The following GAB1 variants were observed in gnomAD, a reference collection of about 807,000 sequenced individuals.
The protein encoded by GAB1 is GRB2 associated binding protein 1, also known as GRB2-associated-binding protein 1.
In GAB1, 19 loss-of-function variants were observed where a neutral mutation model predicts 66.5. The observed-to-expected ratio is 0.29, with a 90% CI of 0.20 to 0.42. GAB1 has a LOEUF of 0.42. Ranked by LOEUF, GAB1 falls within the 10% of genes least tolerant of loss-of-function variation. GAB1 has a pLI of 1.00. For missense variants in GAB1, 732 were observed against 858.5 expected, an observed-to-expected ratio of 0.85 and a Z score of 1.84; for synonymous variants, 294 against 301.4, an observed-to-expected ratio of 0.98 and a Z score of 0.25.
At chr4:143,428,154 T>A (rs1399714952) in intron 2 of GAB1, among the ~76,000 whole-genome samples, 3 of 152,224 alleles carry the variant, frequency 2.0e-5, no homozygotes, top group Admixed American at 6.5e-5. Context: ...CCTGGCTTAA[T>A]CGGTAGGGAT....
At chr4:143,349,817 T>G in intron 1 of GAB1, 1 of 1,586,178 alleles carries the variant, frequency 6.3e-7, no homozygotes, top group Admixed American at 1.7e-5. Flanking sequence ...CGGGTCTGCT[T>G]CTGCACTGGC....
intron 2 of GAB1, chr4:143,425,805 C>G: frequency 1.2e-6 from 1 of 821,424 alleles, no homozygotes; most frequent in South Asian, 1.3e-5. Flanking sequence ...CATGCAGGTG[C>G]CTTCTGTGCC....
intron 1 of GAB1, among the ~76,000 whole-genome samples, chr4:143,388,189 G>T (rs1047722089): frequency 6.6e-6 from 1 of 151,940 alleles, no homozygotes; most frequent in Non-Finnish European, 1.5e-5. Context: ...TGCTTTCTGT[G>T]TGGGATTATA....
intron 8 of GAB1, chr4:143,465,876 T>C (rs1560790549): frequency 2.8e-6 from 1 of 360,990 alleles, no homozygotes. Context: ...GTCTCAATCT[T>C]AGTGTGAACC....
At chr4:143,399,143 G>A (rs1578655018) in intron 1 of GAB1, among the ~76,000 whole-genome samples, 1 of 152,150 alleles carries the variant, frequency 6.6e-6, no homozygotes, top group Non-Finnish European at 1.5e-5. Context: ...TTTTGTTTTA[G>A]TTATTCACGT....
intron 2 of GAB1, among the ~76,000 whole-genome samples, chr4:143,429,840 C>T (rs1469393668): frequency 6.6e-6 from 1 of 152,102 alleles, no homozygotes; most frequent in Admixed American, 6.5e-5. Flanking sequence ...ATACTCACAA[C>T]TAGTTTCCAA....
At chr4:143,437,678 T>G (rs1734005791) in intron 3 of GAB1, among the ~76,000 whole-genome samples, 1 of 152,194 alleles carries the variant, frequency 6.6e-6, no homozygotes, top group South Asian at 2.1e-4. Flanking sequence ...TCATTTACCT[T>G]TCCCAGAGTT....
chr4:143,376,452 G>A (rs982103754), intron 1 of GAB1, among the ~76,000 whole-genome samples: 5 of 152,162 alleles, frequency 3.3e-5, no homozygotes, highest in Admixed American at 2.6e-4. Flanking sequence ...TGCTAGTATC[G>A]CCCTGTGGAG....
At chr4:143,465,304 G>A (rs917919969) in intron 8 of GAB1, among the ~76,000 whole-genome samples, 10 of 152,022 alleles carry the variant, frequency 6.6e-5, no homozygotes, top group Non-Finnish European at 1.2e-4. Flanking sequence ...GCTGTTTATC[G>A]CTGTCATCTA....
At chr4:143,388,672 C>T (rs571446004) in intron 1 of GAB1, among the ~76,000 whole-genome samples, 1 of 152,254 alleles carries the variant, frequency 6.6e-6, no homozygotes, top group African/African-American at 2.4e-5. Flanking sequence ...ACCTCCACCT[C>T]CCAAAGTTCT....
At chr4:143,451,204 T>C (rs531508334) in intron 6 of GAB1, among the ~76,000 whole-genome samples, 10 of 151,916 alleles carry the variant, frequency 6.6e-5, no homozygotes, top group Non-Finnish European at 1.2e-4. Context: ...AGAGTGTGAG[T>C]GGCAATTAAA....
intron 4 of GAB1, 42 bp from the exon 5 acceptor site, chr4:143,439,760 C>T: frequency 7.0e-7 from 1 of 1,419,026 alleles, no homozygotes; most frequent in South Asian, 1.2e-5. Context: ...TGAGAGCTGG[C>T]AAAGATGGGA....
In GAB1 at chr4:143,440,397, G is replaced by T; in HGVS notation, c.1585+15G>T. ...AGACAGAAAAGGTAAGGAGAGCATGGCAAAGTAAAAGGCTTGGGGAGTGCC... is the reference window on the plus strand; with the variant it reads ...AGACAGAAAAGGTAAGGAGAGCATGTCAAAGTAAAAGGCTTGGGGAGTGCC... On this transcript the variant is annotated intron_variant, in intron 6 of 9. Transcript: ENST00000262994. 6.3e-7 allele frequency: 1 copy of T among 1,584,234 alleles called. No individual in the cohort carries two copies. The highest frequency in any genetic ancestry group is 2.2e-5 in the East Asian group (1 of 44,540).
chr4:143,440,004 G>A, intron 5 of GAB1, 75 bp from the exon 6 acceptor site: 1 of 1,426,568 alleles, frequency 7.0e-7, no homozygotes, highest in Middle Eastern at 1.8e-4. Context: ...CCATATGAAT[G>A]AGTGTGACTT....
At chr4:143,429,188 C>T (rs547441705) in intron 2 of GAB1, among the ~76,000 whole-genome samples, 14 of 152,234 alleles carry the variant, frequency 9.2e-5, no homozygotes, top group Admixed American at 5.9e-4. Context: ...CTACAACCTC[C>T]GCCTCCTGGA....
At chr4:143,400,512 G>A (rs1268748884) in intron 1 of GAB1, among the ~76,000 whole-genome samples, 1 of 152,170 alleles carries the variant, frequency 6.6e-6, no homozygotes, top group Non-Finnish European at 1.5e-5. Flanking sequence ...GAGAGAATAA[G>A]CTCCCCTTCT....
intron 8 of GAB1, among the ~76,000 whole-genome samples, chr4:143,460,737 A>G (rs1218307400): frequency 4.6e-5 from 7 of 151,504 alleles, no homozygotes; most frequent in Non-Finnish European, 1.5e-5. Context: ...AGTTTCAGCT[A>G]TTTGGGAGGC....
chr4:143,457,992 T>C (rs183635026), intron 6 of GAB1, among the ~76,000 whole-genome samples: 32 of 152,304 alleles, frequency 2.1e-4, no homozygotes, highest in African/African-American at 7.5e-4. Context: ...ATATGTGATA[T>C]TCAGACTTGT....
In GAB1 at chr4:143,415,612, G is replaced by T. The variant is rs1258413580; in HGVS notation, c.208G>T (p.Ala70Ser). ...IDLNLCQQVD[A>S]GLTFNKKEFE... ...TTTAAATTTATGTCAACAAGTAGATGCTGGATTGACATTTAACAAAAAAGA... is the reference window on the plus strand; with the variant it reads ...TTTAAATTTATGTCAACAAGTAGATTCTGGATTGACATTTAACAAAAAAGA... Residue 70 changes from alanine (A) to serine (S), a missense_variant, in exon 2 of 10, where the codon GCT (alanine) becomes TCT (serine). Ala to Ser is a moderately conservative substitution (Grantham distance 99). Around this residue, in one of 4 missense-constraint regions of GAB1, gnomAD observed 66 missense variants for 130.3 expected, o/e 0.51. Coordinates refer to ENST00000262994, the MANE Select transcript of GAB1 (RefSeq NM_002039.4). 1 of 1,613,730 alleles carries T rather than the reference G, an allele frequency of 6.2e-7. No homozygotes were observed. The highest frequency in any genetic ancestry group is 2.2e-5 in the East Asian group (1 of 44,870).
Sources: gnomAD v4.1 joint callset for allele counts (sites outside exome capture counted in the v4.1 genomes callset) on GRCh38, gnomAD v4.1.1 for gene constraint, gnomAD v4.1.1 regional missense constraint, MANE v1.5 for transcripts, NCBI Gene and HGNC (gene_info 2026-07-23, HGNC 2026-07-21) for gene names.